Variants in SLC10A7 observed in about 807,000 individuals in gnomAD.
SLC10A7 encodes sodium/bile acid cotransporter 7.
SLC10A7 carries 29 observed loss-of-function variants against 43.2 expected under a neutral mutation model. That is an observed-to-expected ratio of 0.67 (90% CI 0.50 to 0.92). SLC10A7 has a LOEUF of 0.92. SLC10A7 is among the 40% of genes least tolerant of loss of function. SLC10A7 has a pLI of 0.00. For synonymous variants in SLC10A7, 152 were observed against 144.8 expected (o/e 1.05, Z -0.35); for missense variants, 295 against 403.2 (o/e 0.73, Z 2.30).
chr4:146,371,813 T>G (rs903738849), intron 5 of SLC10A7, among the ~76,000 whole-genome samples: 2 of 152,200 alleles, frequency 1.3e-5, no homozygotes, highest in African/African-American at 2.4e-5. Flanking sequence ...TTGCTACTAT[T>G]GTCAGAGCCA....
intron 5 of SLC10A7, among the ~76,000 whole-genome samples, chr4:146,350,786 C>CGGCAG (rs919216018): frequency 2.9e-5 from 3 of 103,356 alleles, no homozygotes; most frequent in Admixed American, 9.3e-5. Context: ...ACACCTCACA[C>CGGCAG]GGCAGGGTAT....
rs150999825 is a variant in SLC10A7 at position 146,466,366 on chromosome 4, G to C, written c.397-23545C>G. Among the ~76,000 whole-genome samples the C allele has an allele frequency of 3.1e-4, 46 of 149,142 alleles. 1 individual carries two copies. The East Asian group carries it at 5.9e-3, about 19-fold the overall frequency. ...ACTGATACAAGTATAAAAACAAATTGCTTCACCTCCAAAACCCCTGGAAGT... is the reference window on the plus strand; with the variant it reads ...ACTGATACAAGTATAAAAACAAATTCCTTCACCTCCAAAACCCCTGGAAGT... On this transcript the variant is annotated intron_variant, in intron 4 of 11. Coordinates refer to ENST00000335472, the MANE Select transcript of SLC10A7 (RefSeq NM_001029998.6).
chr4:146,355,887 G>T (rs1247308194), intron 5 of SLC10A7, among the ~76,000 whole-genome samples: 77 of 111,676 alleles, frequency 6.9e-4, no homozygotes, highest in African/African-American at 2.5e-3. Flanking sequence ...TGGGGACTGT[G>T]GTGGGGTGGG....
intron 5 of SLC10A7, among the ~76,000 whole-genome samples, chr4:146,397,691 C>G (rs1215264076): frequency 6.6e-6 from 1 of 152,160 alleles, no homozygotes; most frequent in East Asian, 1.9e-4. Context: ...CACACTGAAG[C>G]AGTGTTGAAA....
chr4:146,465,730 A>G (rs1732965459), intron 4 of SLC10A7, among the ~76,000 whole-genome samples: 1 of 152,164 alleles, frequency 6.6e-6, no homozygotes, highest in Admixed American at 6.5e-5. Flanking sequence ...TCAGGTAACA[A>G]TTGGACTGAA....
At chr4:146,289,706 GTTTTTTTTTTTTT>G (rs776153195) in intron 9 of SLC10A7, among the ~76,000 whole-genome samples, 2 of 88,072 alleles carry the variant, frequency 2.3e-5, no homozygotes, top group African/African-American at 9.3e-5. Context: ...CTGATTATTA[GTTTTTTTTTTTTT>G]TTTTTTTTTT....
chr4:146,396,757 T>C (rs1738853612), intron 5 of SLC10A7, among the ~76,000 whole-genome samples: 1 of 151,590 alleles, frequency 6.6e-6, no homozygotes, highest in South Asian at 2.1e-4. Context: ...AAAAGAGTAA[T>C]TGCACATACA....
chr4:146,467,887 G>C (rs1398901382), intron 4 of SLC10A7, among the ~76,000 whole-genome samples: 4 of 152,124 alleles, frequency 2.6e-5, no homozygotes, highest in Non-Finnish European at 5.9e-5. Context: ...CTATGATTCA[G>C]CCTCCTGGAT....
intron 10 of SLC10A7, among the ~76,000 whole-genome samples, chr4:146,274,332 T>C (rs1420192936): frequency 6.6e-6 from 1 of 151,668 alleles, no homozygotes; most frequent in African/African-American, 2.4e-5. Flanking sequence ...GCTTCCCAAG[T>C]AGCTGGGATT....
intron 4 of SLC10A7, among the ~76,000 whole-genome samples, chr4:146,451,294 C>A (rs1173311750): frequency 6.7e-6 from 1 of 148,656 alleles, no homozygotes; most frequent in Non-Finnish European, 1.5e-5. Context: ...TGAATTCTAC[C>A]ACACTTTTAA....
At chr4:146,454,616 T>G (rs1579230626) in intron 4 of SLC10A7, among the ~76,000 whole-genome samples, 1 of 151,914 alleles carries the variant, frequency 6.6e-6, no homozygotes, top group South Asian at 2.1e-4. Flanking sequence ...TATTTTTTCC[T>G]TTGTGCTTCT....
At chr4:146,265,906 A>C (rs910975736) in intron 10 of SLC10A7, among the ~76,000 whole-genome samples, 1 of 152,240 alleles carries the variant, frequency 6.6e-6, no homozygotes, top group Non-Finnish European at 1.5e-5. Flanking sequence ...AGTAAGCAAG[A>C]AAATGTATTG....
At chr4:146,356,132 G>T (rs924241525) in intron 5 of SLC10A7, among the ~76,000 whole-genome samples, 2 of 150,066 alleles carry the variant, frequency 1.3e-5, no homozygotes, top group East Asian at 3.9e-4. Context: ...TTGATTTATT[G>T]ACTTTCATAT....
intron 5 of SLC10A7, among the ~76,000 whole-genome samples, chr4:146,417,978 G>A (rs1728691763): frequency 6.6e-6 from 1 of 151,110 alleles, no homozygotes; most frequent in Non-Finnish European, 1.5e-5. Context: ...GGACCTGTGA[G>A]TTCTGAACAG....
chr4:146,327,808 C>G (rs532401849), intron 5 of SLC10A7, among the ~76,000 whole-genome samples: 1 of 152,302 alleles, frequency 6.6e-6, no homozygotes, highest in African/African-American at 2.4e-5. Flanking sequence ...AGCCCCCACC[C>G]CTGTGCCACT....
intron 7 of SLC10A7, among the ~76,000 whole-genome samples, chr4:146,296,490 T>A (rs1730793033): frequency 6.6e-6 from 1 of 152,108 alleles, no homozygotes; most frequent in African/African-American, 2.4e-5. Context: ...AGGTCCACAA[T>A]CCTTCTAGCC....
chr4:146,381,963 A>T (rs1441255256), intron 5 of SLC10A7, among the ~76,000 whole-genome samples: 1 of 152,122 alleles, frequency 6.6e-6, no homozygotes, highest in Non-Finnish European at 1.5e-5. Flanking sequence ...TTTATAGAAG[A>T]CTACACAGAA....
chr4:146,396,542 A>G (rs1350219573), intron 5 of SLC10A7, among the ~76,000 whole-genome samples: 1 of 152,118 alleles, frequency 6.6e-6, no homozygotes, highest in African/African-American at 2.4e-5. Flanking sequence ...TTTTGAAGGA[A>G]TTACAGTTGT....
At chr4:146,376,472 C>T (rs947355379) in intron 5 of SLC10A7, among the ~76,000 whole-genome samples, 2 of 152,062 alleles carry the variant, frequency 1.3e-5, no homozygotes, top group Non-Finnish European at 2.9e-5. Context: ...TTAAAAACCC[C>T]AAACCCCACT....
Sources: allele counts gnomAD v4.1 joint callset (sites outside exome capture counted in the v4.1 genomes callset), GRCh38; gene constraint gnomAD v4.1.1; transcripts MANE v1.5; gene names NCBI Gene and HGNC (gene_info 2026-07-23, HGNC 2026-07-21).